HDAC9: variants seen among roughly 807,000 people sequenced by gnomAD.
HDAC9 encodes the protein histone deacetylase 9.
A neutral mutation model predicts 139.4 loss-of-function variants in HDAC9; 41 were observed. That is an observed-to-expected ratio of 0.29 (90% confidence interval 0.23 to 0.38). The LOEUF (loss-of-function observed/expected upper bound fraction) is 0.38. HDAC9 is among the 10% of genes least tolerant of loss of function. HDAC9 has a pLI of 1.00. For synonymous variants in HDAC9, 517 were observed against 476.2 expected, an observed-to-expected ratio of 1.09 and a Z score of -1.12; for missense variants, 1,147 against 1,297.0, an observed-to-expected ratio of 0.88 and a Z score of 1.78.
chr7:18,579,587 G>T (rs1827134805), intron 2 of HDAC9, among the ~76,000 whole-genome samples: 1 of 152,152 alleles, frequency 6.6e-6, no homozygotes, highest in Non-Finnish European at 1.5e-5. Flanking sequence ...CCAGTGTTGT[G>T]AACAACCATT....
At chr7:18,930,458 TAC>T (rs1353226022) in intron 22 of HDAC9, among the ~76,000 whole-genome samples, 3 of 151,618 alleles carry the variant, frequency 2.0e-5, no homozygotes, top group Non-Finnish European at 4.4e-5. Flanking sequence ...AACACACACA[TAC>T]ACACAAACAC....
At chr7:18,851,620 C>T (rs1015576422) in intron 21 of HDAC9, among the ~76,000 whole-genome samples, 1 of 152,124 alleles carries the variant, frequency 6.6e-6, no homozygotes, top group Non-Finnish European at 1.5e-5. Context: ...TTTTATTTGC[C>T]TTCCCATGAA....
intron 1 of HDAC9, among the ~76,000 whole-genome samples, chr7:18,405,984 T>C (rs1241857848): frequency 1.3e-5 from 2 of 152,218 alleles, no homozygotes; most frequent in Non-Finnish European, 2.9e-5. Context: ...TCATGAATCC[T>C]GTCTACCAGG....
intron 24 of HDAC9, among the ~76,000 whole-genome samples, chr7:18,970,193 T>C (rs189356263): frequency 1.0e-3 from 155 of 152,278 alleles, no homozygotes; most frequent in African/African-American, 3.3e-3. Flanking sequence ...AATACATTTT[T>C]CATAAGAATA....
chr7:18,128,519 C>T (rs1326813543), intron 1 of HDAC9, among the ~76,000 whole-genome samples: 1 of 152,024 alleles, frequency 6.6e-6, no homozygotes, highest in Admixed American at 6.6e-5. Context: ...CCACATGAAC[C>T]TTTCTCAGAA....
At chr7:18,312,770 A>G (rs989217969) in intron 1 of HDAC9, among the ~76,000 whole-genome samples, 1 of 152,136 alleles carries the variant, frequency 6.6e-6, no homozygotes, top group Non-Finnish European at 1.5e-5. Flanking sequence ...GCTTGTGAAC[A>G]GTAATCATGG....
At chr7:18,708,544 C>T (rs1172724659) in intron 12 of HDAC9, among the ~76,000 whole-genome samples, 1 of 152,014 alleles carries the variant, frequency 6.6e-6, no homozygotes, top group Non-Finnish European at 1.5e-5. Flanking sequence ...ATTTTGAGTG[C>T]CTGAAGTAAT....
chr7:18,976,915 T>C (rs1784585476), intron 25 of HDAC9, among the ~76,000 whole-genome samples: 1 of 152,234 alleles, frequency 6.6e-6, no homozygotes, highest in African/African-American at 2.4e-5. Flanking sequence ...ATCCTGCTAC[T>C]AGTGCACAGG....
chr7:18,990,632 C>T (rs1017378767), intron 25 of HDAC9, among the ~76,000 whole-genome samples: 97 of 151,842 alleles, frequency 6.4e-4, no homozygotes, highest in African/African-American at 2.2e-3. Flanking sequence ...CAATGGCGGG[C>T]GCCCCTCCCC....
chr7:18,762,126 T>G (rs751675546), intron 14 of HDAC9, 31 bp from the exon 15 acceptor site: 4 of 1,612,588 alleles, frequency 2.5e-6, no homozygotes, highest in Non-Finnish European at 2.5e-6. Context: ...TTGTCAGTGG[T>G]GTACTGTTGG....
intron 6 of HDAC9, among the ~76,000 whole-genome samples, chr7:18,597,470 T>C (rs1189854741): frequency 6.6e-6 from 1 of 152,172 alleles, no homozygotes; most frequent in Non-Finnish European, 1.5e-5. Flanking sequence ...CTTTATTGTT[T>C]TTATATAGTA....
chr7:18,293,545 G>C (rs1466048605), intron 1 of HDAC9, among the ~76,000 whole-genome samples: 1 of 152,120 alleles, frequency 6.6e-6, no homozygotes, highest in Non-Finnish European at 1.5e-5. Flanking sequence ...CAGCTCTTTA[G>C]TACTGGCCAC....
At chr7:18,811,238 T>C (rs2520351) in intron 17 of HDAC9, among the ~76,000 whole-genome samples, 1,625 of 151,878 alleles carry the variant, frequency 0.011, 25 homozygotes, top group African/African-American at 0.038. Context: ...TTCTGTTTCC[T>C]ATTTTACTGA....
At chr7:18,218,062 T>G (rs1792437650) in intron 2 of HDAC9, among the ~76,000 whole-genome samples, 2 of 152,216 alleles carry the variant, frequency 1.3e-5, no homozygotes, top group Admixed American at 1.3e-4. Flanking sequence ...TTGGTTTTTT[T>G]GCCATGTGGG....
At chr7:18,212,857 T>TG (rs1166919242) in intron 2 of HDAC9, among the ~76,000 whole-genome samples, 1 of 152,246 alleles carries the variant, frequency 6.6e-6, no homozygotes, top group African/African-American at 2.4e-5. Context: ...GTAAATGCCC[T>TG]GTGCCTTGGA....
chr7:18,990,148 A>G (rs1785756626), intron 25 of HDAC9, among the ~76,000 whole-genome samples: 1 of 151,996 alleles, frequency 6.6e-6, no homozygotes, highest in Non-Finnish European at 1.5e-5. Context: ...TAGAGTTTCC[A>G]GTTTTTCTGC....
At chr7:18,647,636 A>T (rs1483105107) in intron 9 of HDAC9, 149 bp from the exon 10 acceptor site, 16 of 602,492 alleles carry the variant, frequency 2.7e-5, no homozygotes, top group Non-Finnish European at 4.3e-5. Flanking sequence ...GAGTTAGTTT[A>T]AAAAGTCCAT....
intron 12 of HDAC9, among the ~76,000 whole-genome samples, chr7:18,695,860 A>T (rs1352545814): frequency 6.6e-6 from 1 of 152,136 alleles, no homozygotes. Flanking sequence ...TAGTATTTTG[A>T]ATATAATGGA....
intron 1 of HDAC9, among the ~76,000 whole-genome samples, chr7:18,146,918 A>G (rs916557568): frequency 6.6e-5 from 10 of 152,210 alleles, no homozygotes; most frequent in Admixed American, 5.2e-4. Flanking sequence ...AAAAATAGGA[A>G]TTGCATCATG....
Sources: allele counts gnomAD v4.1 joint callset (sites outside exome capture counted in the v4.1 genomes callset), GRCh38; gene constraint gnomAD v4.1.1; transcripts MANE v1.5; gene names NCBI Gene and HGNC (gene_info 2026-07-23, HGNC 2026-07-21).